PCCA: variants seen among roughly 807,000 people sequenced by gnomAD.
The protein encoded by PCCA is propionyl-CoA carboxylase alpha chain, mitochondrial.
PCCA carries 74 observed loss-of-function variants against 101.3 expected under a neutral mutation model. The observed-to-expected ratio is 0.73, with a 90% CI of 0.61 to 0.89. PCCA has a LOEUF of 0.89. Among genes scored for constraint, PCCA ranks in the 40% least tolerant of loss-of-function variants. The pLI is 0.00. For missense variants in PCCA, 891 were observed against 907.0 expected (o/e 0.98, Z 0.23); for synonymous variants, 294 against 313.6 (o/e 0.94, Z 0.66).
At chr13:100,163,676 TCA>T (rs1176095677) in intron 6 of PCCA, among the ~76,000 whole-genome samples, 4 of 152,222 alleles carry the variant, frequency 2.6e-5, no homozygotes, top group Non-Finnish European at 5.9e-5. Context: ...TGTAGTATAG[TCA>T]CAGAGTTATG....
intron 18 of PCCA, among the ~76,000 whole-genome samples, chr13:100,367,143 A>C (rs2075237251): frequency 6.6e-6 from 1 of 152,246 alleles, no homozygotes. Context: ...CAATACCTAA[A>C]TTAGGTTAAT....
intron 1 of PCCA, among the ~76,000 whole-genome samples, chr13:100,101,085 G>A (rs1435136538): frequency 6.6e-6 from 1 of 152,176 alleles, no homozygotes; most frequent in Admixed American, 6.5e-5. Flanking sequence ...TTACAGGCAT[G>A]AGCCACCGTG....
At chr13:100,196,749 G>A (rs192120342) in intron 6 of PCCA, among the ~76,000 whole-genome samples, 63 of 152,252 alleles carry the variant, frequency 4.1e-4, no homozygotes, top group South Asian at 1.2e-3. Context: ...TTTAAAAATC[G>A]TGTGGGTTTA....
At chr13:100,124,613 G>A (rs1018038800) in intron 4 of PCCA, among the ~76,000 whole-genome samples, 4 of 152,118 alleles carry the variant, frequency 2.6e-5, no homozygotes, top group Non-Finnish European at 5.9e-5. Context: ...GACCGAGGAC[G>A]AATAGGACTT....
chr13:100,099,284 A>G (rs1401241630), intron 1 of PCCA, among the ~76,000 whole-genome samples: 1 of 149,114 alleles, frequency 6.7e-6, no homozygotes, highest in Non-Finnish European at 1.5e-5. Context: ...GTGAGGCCAC[A>G]TCTTGCTTAT....
intron 21 of PCCA, among the ~76,000 whole-genome samples, chr13:100,476,572 G>A (rs1434438491): frequency 6.6e-6 from 1 of 152,160 alleles, no homozygotes; most frequent in Non-Finnish European, 1.5e-5. Flanking sequence ...GCATACCCAT[G>A]GAAGTTTGTG....
At chr13:100,355,619 C>T (rs1443649570) in intron 18 of PCCA, among the ~76,000 whole-genome samples, 1 of 152,064 alleles carries the variant, frequency 6.6e-6, no homozygotes, top group Non-Finnish European at 1.5e-5. Flanking sequence ...AAATGCAATA[C>T]TTGAACACTG....
At chr13:100,252,497 C>T (rs1460440128) in intron 8 of PCCA, among the ~76,000 whole-genome samples, 1 of 151,864 alleles carries the variant, frequency 6.6e-6, no homozygotes, top group Admixed American at 6.6e-5. Context: ...GTGAGAAAAC[C>T]ACATAAGATT....
chr13:100,502,513 A>C (rs1381984324), intron 21 of PCCA, among the ~76,000 whole-genome samples: 1 of 152,168 alleles, frequency 6.6e-6, no homozygotes, highest in African/African-American at 2.4e-5. Flanking sequence ...AGCATTATTG[A>C]ATTGCAGTGG....
chr13:100,360,204 G>A (rs140810181), intron 18 of PCCA, among the ~76,000 whole-genome samples: 7 of 151,242 alleles, frequency 4.6e-5, no homozygotes, highest in Non-Finnish European at 7.4e-5. Context: ...ATCAGATCTC[G>A]TGAGACTCCT....
intron 21 of PCCA, among the ~76,000 whole-genome samples, chr13:100,469,809 A>C (rs2082856012): frequency 6.6e-6 from 1 of 152,066 alleles, no homozygotes; most frequent in South Asian, 2.1e-4. Context: ...AAAACAAAAC[A>C]AAAAAAGTTT....
intron 8 of PCCA, among the ~76,000 whole-genome samples, chr13:100,240,368 A>T (rs1479704345): frequency 1.3e-5 from 2 of 148,426 alleles, no homozygotes. Flanking sequence ...CCTTAGGATA[A>T]GTTTTTTTTT....
chr13:100,256,349 T>C (rs1220513396), intron 8 of PCCA, among the ~76,000 whole-genome samples: 1 of 152,140 alleles, frequency 6.6e-6, no homozygotes, highest in Non-Finnish European at 1.5e-5. Flanking sequence ...TATTTTTCTC[T>C]CTACCTCCCT....
intron 8 of PCCA, among the ~76,000 whole-genome samples, chr13:100,245,858 C>A (rs142102911): frequency 6.6e-6 from 1 of 152,292 alleles, no homozygotes; most frequent in African/African-American, 2.4e-5. Flanking sequence ...AGCTTGTAAT[C>A]CCTTGGAGGT....
In PCCA at chr13:100,104,163, A is replaced by G. The variant is rs534703532; in HGVS notation, c.183+1203A>G. On this transcript the variant is annotated intron_variant, in intron 2 of 23. Transcript: ENST00000376285. ...GGTGAGTGTCATCAAAATACAACTG[A>G]CAGGAATGATTATTTGAGAATGACA... 7.1e-4 allele frequency among the ~76,000 whole-genome samples: 108 copies of G among 152,266 alleles called. 1 individual carries two copies. Among genetic ancestry groups the G allele is most frequent in the African/African-American group, 2.4e-3 (99 of 41,550 alleles).
chr13:100,406,568 G>A (rs1054156214), intron 19 of PCCA, among the ~76,000 whole-genome samples: 2 of 152,138 alleles, frequency 1.3e-5, no homozygotes, highest in African/African-American at 2.4e-5. Flanking sequence ...GCTGGGTGTG[G>A]TGGCACATGC....
At chr13:100,206,091 C>A (rs1018443525) in intron 6 of PCCA, among the ~76,000 whole-genome samples, 1 of 151,810 alleles carries the variant, frequency 6.6e-6, no homozygotes, top group African/African-American at 2.4e-5. Context: ...AAATAAGGTT[C>A]TACTAAAACC....
intron 9 of PCCA, among the ~76,000 whole-genome samples, chr13:100,258,067 A>T (rs897291414): frequency 6.6e-6 from 1 of 152,236 alleles, no homozygotes; most frequent in East Asian, 1.9e-4. Flanking sequence ...GACTTAATGT[A>T]TTACCTCAAT....
Position 100,111,975 on chromosome 13 carries a change from T to G in PCCA, c.232-18T>G. 6.3e-7 allele frequency: 1 copy of G among 1,585,394 alleles called. No homozygotes were observed. The highest frequency in any genetic ancestry group is 1.7e-5 in the Admixed American group (1 of 59,938). On this transcript the variant is annotated intron_variant, in intron 3 of 23. Coordinates refer to ENST00000376285, the MANE Select transcript of PCCA (RefSeq NM_000282.4). ...AGTGTGAATCACTATTAATAGACAT[T>G]AATATATTTTAAAATAGGTTATTAG...
Sources: gnomAD v4.1 joint callset for allele counts (sites outside exome capture counted in the v4.1 genomes callset) on GRCh38, gnomAD v4.1.1 for gene constraint, MANE v1.5 for transcripts, NCBI Gene and HGNC (gene_info 2026-07-23, HGNC 2026-07-21) for gene names.